The following TSPOAP1 variants were observed in gnomAD, a reference collection of about 807,000 sequenced individuals.
TSPOAP1 encodes TSPO associated protein 1.
Under a neutral mutation model 197.0 loss-of-function variants are expected in TSPOAP1, and 87 were observed. That is an observed-to-expected ratio of 0.44 (90% CI 0.37 to 0.53). The LOEUF (loss-of-function observed/expected upper bound fraction) is 0.53. TSPOAP1 is among the 20% of genes least tolerant of loss of function. The pLI is 0.00. For missense variants in TSPOAP1, 2,174 were observed against 2,411.3 expected (o/e 0.90, Z 2.06); for synonymous variants, 913 against 998.9 (o/e 0.91, Z 1.62).
At chr17:58,306,720 A>C (rs1598056632) in intron 25 of TSPOAP1, 80 bp downstream of exon 25, 1 of 1,522,740 alleles carries the variant, frequency 6.6e-7, no homozygotes, top group Non-Finnish European at 8.9e-7. Flanking sequence ...GGAGCACCCC[A>C]GACACAACAA....
At position 58,320,561 on chromosome 17, in the gene TSPOAP1, C is replaced by T; in HGVS notation, c.1443G>A (p.Arg481=). ...GCAGCTGCACGGCTCCTTCATGTTC[C>T]CTCTGGGCTTCAGCCTGGGCCTACA... ...RLQQAQAEAQ[R]EHEGAVQLLE... is the part of the protein sequence containing the mutation. Residue 481 remains arginine (R), a synonymous_variant, in exon 11 of 32, where the codon AGG becomes AGA. Transcript: ENST00000343736. 6.8e-7 allele frequency: 1 copy of T among 1,474,192 alleles called. No individual in the cohort carries two copies. The highest frequency in any genetic ancestry group is 9.0e-7 in the Non-Finnish European group (1 of 1,112,050). The allele number at this position is 1,474,192 out of a possible 1,614,324, so 91.3% of individuals were successfully genotyped here.
Position 58,312,554 on chromosome 17 carries a change from C to A in TSPOAP1, c.2267G>T (p.Gly756Val). The change falls in exon 17 of 32, where the codon GGC becomes GTC. Residue 756 changes from glycine to valine, a missense_variant. Gly to Val is a moderately radical substitution (Grantham distance 109). Around this residue, in one of 5 missense-constraint regions of TSPOAP1, gnomAD observed 1,933 missense variants for 2,139.0 expected, o/e 0.90. Coordinates refer to ENST00000343736, the MANE Select transcript of TSPOAP1 (RefSeq NM_004758.4). ...SVGGGGSSSG[G>V]QSSVGRSQPR... is the part of the protein sequence containing the mutation. Reference sequence around the variant, plus strand: ...CTGGCTCCTTCCCACACTGCTTTGGCCCCCGCTACTGCTGCCACCCCCACC... The same window carrying A: ...CTGGCTCCTTCCCACACTGCTTTGGACCCCGCTACTGCTGCCACCCCCACC... 3 of 1,607,908 alleles carry A rather than the reference C, an allele frequency of 1.9e-6. No homozygotes were observed. The highest frequency in any genetic ancestry group is 2.5e-6 in the Non-Finnish European group (3 of 1,177,140).
At position 58,316,003 on chromosome 17, in the gene TSPOAP1, AC is replaced by A. The variant is rs772216489; in HGVS notation, c.2098+19del. The A allele has an allele frequency of 4.5e-6, 7 of 1,570,338 alleles. No individual in the cohort carries two copies. Among genetic ancestry groups the A allele is most frequent in the Non-Finnish European group, 5.3e-6 (6 of 1,141,012 alleles). ...CAAAGGCAGGGGAATGGACAGAATG[AC>A]CCCCCACTACATTCCTACCTTCAAA... On this transcript the variant is annotated intron_variant, in intron 16 of 31. Transcript: ENST00000343736.
Position 58,319,182 on chromosome 17 carries a change from G to T in TSPOAP1, c.1607C>A (p.Thr536Lys), listed in dbSNP as rs763307972. The change falls in exon 13 of 32, where the codon ACA becomes AAA. Residue 536 changes from threonine (T) to lysine (K), a missense_variant. Coordinates refer to ENST00000343736, the MANE Select transcript of TSPOAP1 (RefSeq NM_004758.4). ...RLHPGPLDLL[T>K]SALDCGSLGD... ...AAGGCTCCCACAGTCCAGGGCAGAT[G>T]TGAGCAGATCCAAGGGGCCCGGGTG... The T allele has an allele frequency of 4.7e-5, 74 of 1,576,538 alleles. No individual in the cohort carries two copies. In the Admixed American group the frequency reaches 1.3e-3, roughly 28 times the overall value.
rs1009427861 is a variant in TSPOAP1 at position 58,301,282 on chromosome 17, C to A, written c.*1198G>T. ...TAAAATGTCTTTTTAAACAAATTCCCCCACCATTCCACACCCCTGGAGACC... is the reference window on the plus strand; with the variant it reads ...TAAAATGTCTTTTTAAACAAATTCCACCACCATTCCACACCCCTGGAGACC... On this transcript the variant is annotated 3_prime_UTR_variant, in exon 32 of 32. Transcript: ENST00000343736. The A allele has an allele frequency of 6.6e-6, 1 of 152,546 alleles. No individual in the cohort carries two copies. Among genetic ancestry groups the A allele is most frequent in the African/African-American group, 2.4e-5 (1 of 41,420 alleles). The allele number at this position is 152,546 out of a possible 1,614,324, so 9.4% of individuals were successfully genotyped here. A position where few individuals can be genotyped will look rare whatever the true frequency, so the allele number is the denominator to read the frequency against.
In TSPOAP1 at chr17:58,326,151, T is replaced by C; in HGVS notation, c.570+142A>G. On this transcript the variant is annotated intron_variant, in intron 3 of 31. Coordinates refer to ENST00000343736, the MANE Select transcript of TSPOAP1 (RefSeq NM_004758.4). This position sits in a 1 kb window ranked among gnomAD's most constrained non-coding sequence, Gnocchi z 4.7. Reference sequence around the variant, plus strand: ...TTGCCTGGCCAGCCTCTGCCCTTCCTGCACCTTAGCCCCTAGATTCTTGCT... The same window carrying C: ...TTGCCTGGCCAGCCTCTGCCCTTCCCGCACCTTAGCCCCTAGATTCTTGCT... 1 of 1,376,312 alleles carries C rather than the reference T, an allele frequency of 7.3e-7. No individual in the cohort carries two copies. Among genetic ancestry groups the C allele is most frequent in the Non-Finnish European group, 9.7e-7 (1 of 1,026,564 alleles). 85.3% of individuals were successfully genotyped at this position (1,376,312 alleles called of 1,614,324 possible).
intron 16 of TSPOAP1, among the ~76,000 whole-genome samples, chr17:58,312,949 A>G (rs1483088388): frequency 3.9e-5 from 6 of 152,220 alleles, no homozygotes; most frequent in African/African-American, 1.4e-4. Flanking sequence ...TGCTTCTTCA[A>G]TTTTAACTTG....
At chr17:58,316,756 G>A (rs1188487627) in intron 14 of TSPOAP1, among the ~76,000 whole-genome samples, 1 of 152,252 alleles carries the variant, frequency 6.6e-6, no homozygotes, top group Non-Finnish European at 1.5e-5. Flanking sequence ...CTGGGCAGGG[G>A]CAGTGGGGAT....
Position 58,322,807 on chromosome 17 carries a change from T to C in TSPOAP1, c.1195-31A>G, listed in dbSNP as rs776046514. ...GAGGGGGCAGTGACAGGGAGTTGGGTGGGTGAGCCTTGACCCACCAGCACC... is the reference window on the plus strand; with the variant it reads ...GAGGGGGCAGTGACAGGGAGTTGGGCGGGTGAGCCTTGACCCACCAGCACC... On this transcript the variant is annotated intron_variant, in intron 8 of 31. Coordinates refer to ENST00000343736, the MANE Select transcript of TSPOAP1 (RefSeq NM_004758.4). The surrounding 1 kb of genome is among the most constrained non-coding windows in gnomAD (Gnocchi z 5.0). 2 of 1,611,002 alleles carry C rather than the reference T, an allele frequency of 1.2e-6. No homozygotes were observed. The highest frequency in any genetic ancestry group is 1.1e-5 in the South Asian group (1 of 90,996).
chr17:58,316,295 G>A, intron 15 of TSPOAP1, 130 bp downstream of exon 15: 1 of 1,088,476 alleles, frequency 9.2e-7, no homozygotes, highest in East Asian at 2.4e-5. Flanking sequence ...GCCCAACTAG[G>A]TTATTAGAAT....
chr17:58,319,331 A>G, intron 12 of TSPOAP1, 37 bp from the exon 13 acceptor site: 2 of 1,539,072 alleles, frequency 1.3e-6, no homozygotes, highest in East Asian at 4.9e-5. Flanking sequence ...CAGGCCCCTC[A>G]AAGCTACCCA....
In TSPOAP1 at chr17:58,309,376, T is replaced by C; in HGVS notation, c.3896A>G (p.Gln1299Arg). The C allele has an allele frequency of 6.2e-7, 1 of 1,606,380 alleles. No homozygotes were observed. The highest frequency in any genetic ancestry group is 1.1e-5 in the South Asian group (1 of 90,768). Residue 1299 changes from glutamine to arginine, a missense_variant, in exon 22 of 32, where the codon CAG (glutamine) becomes CGG (arginine). Gln to Arg is a conservative substitution (Grantham distance 43). This residue lies in a region of TSPOAP1 where 1,933 missense variants were observed against 2,139.0 expected (regional missense o/e 0.90). Transcript: ENST00000343736. This position sits in a 1 kb window ranked among gnomAD's most constrained non-coding sequence, Gnocchi z 5.0. ...NSIRENGAKSQPDPFCETDSD... is the reference protein window; with the variant it reads ...NSIRENGAKSRPDPFCETDSD... ...GTCAGTCTCACAAAAGGGGTCGGGC[T>C]GGGACTGGTGGAGGTGGGGAGGTGG...
At chr17:58,318,209 G>A in intron 14 of TSPOAP1, 71 bp downstream of exon 14, 1 of 1,559,934 alleles carries the variant, frequency 6.4e-7, no homozygotes, top group Non-Finnish European at 8.7e-7. Context: ...CCCCAGAAGA[G>A]GTCAGGGCCA....
rs906015814 is a variant in TSPOAP1 at position 58,323,079 on chromosome 17, C to T, written c.1105-40G>A. ...GAGCTCTCAGGAGGGAGCCCAGCACCCACATTCCCCCTCTCCCCACACAGA... is the reference window on the plus strand; with the variant it reads ...GAGCTCTCAGGAGGGAGCCCAGCACTCACATTCCCCCTCTCCCCACACAGA... On this transcript the variant is annotated intron_variant, in intron 7 of 31. Coordinates refer to ENST00000343736, the MANE Select transcript of TSPOAP1 (RefSeq NM_004758.4). 8 of 1,575,714 alleles carry T rather than the reference C, an allele frequency of 5.1e-6. No individual in the cohort carries two copies. The African/African-American group carries it at 6.7e-5, about 13-fold the overall frequency.
intron 14 of TSPOAP1, among the ~76,000 whole-genome samples, chr17:58,316,933 G>A (rs938425693): frequency 1.1e-3 from 167 of 152,298 alleles, no homozygotes; most frequent in African/African-American, 3.8e-3. Context: ...GCAGTGGCTC[G>A]CGCCTATAAT....
In TSPOAP1 at chr17:58,308,746, G is replaced by C; in HGVS notation, c.4526C>G (p.Ala1509Gly). The C allele has an allele frequency of 1.9e-6, 3 of 1,612,990 alleles. No individual in the cohort carries two copies. The highest frequency in any genetic ancestry group is 2.5e-6 in the Non-Finnish European group (3 of 1,179,980). The stretch of plus-strand genomic sequence containing the variant: ...GGTGATGCTGATGCCCCCGCTGCCC[G>C]CCTCCTGCTCATCCTCCGAATCATA... The part of the protein sequence containing the change: ...IEYDSEDEQE[A>G]GSGGISITSS... The change falls in exon 22 of 32, where the codon GCG becomes GGG. Residue 1509 changes from alanine to glycine, a missense_variant. By Grantham distance (60) the Ala-to-Gly change is moderately conservative (BLOSUM62 0). Around this residue, in one of 5 missense-constraint regions of TSPOAP1, gnomAD observed 1,933 missense variants for 2,139.0 expected, o/e 0.90. Coordinates refer to ENST00000343736, the MANE Select transcript of TSPOAP1 (RefSeq NM_004758.4).
intron 1 of TSPOAP1, 27 bp downstream of exon 1, chr17:58,327,561 G>C: frequency 6.3e-7 from 1 of 1,591,738 alleles, no homozygotes; most frequent in Non-Finnish European, 8.6e-7. Context: ...CCACCTTGCA[G>C]ACCCCAGCCC....
In TSPOAP1 at chr17:58,322,526, A is replaced by G; in HGVS notation, c.1318-114T>C. The G allele has an allele frequency of 6.5e-7, 1 of 1,546,506 alleles. No homozygotes were observed. Among genetic ancestry groups the G allele is most frequent in the Middle Eastern group, 1.7e-4 (1 of 5,820 alleles). Reference sequence around the variant, plus strand: ...GCTCCAGATTCCTCTATTACAAAGGAAACTGAGCCTGGAGCAGCTCCAGGC... The same window carrying G: ...GCTCCAGATTCCTCTATTACAAAGGGAACTGAGCCTGGAGCAGCTCCAGGC... On this transcript the variant is annotated intron_variant, in intron 9 of 31. Coordinates refer to ENST00000343736, the MANE Select transcript of TSPOAP1 (RefSeq NM_004758.4). The surrounding 1 kb of genome is among the most constrained non-coding windows in gnomAD (Gnocchi z 5.0).
In TSPOAP1 at chr17:58,326,311, C is replaced by G. The variant is rs1232937376; in HGVS notation, c.552G>C (p.Gln184His). 6.2e-7 allele frequency: 1 copy of G among 1,614,002 alleles called. No individual in the cohort carries two copies. The highest frequency in any genetic ancestry group is 8.5e-7 in the Non-Finnish European group (1 of 1,180,020). ...KRLEERARKL[Q>H]ETNLRVVSAP... is the part of the protein sequence containing the mutation. ...TCCTCACCACCCTCAGGTTCGTTTC[C>G]TGCAGCTTTCGGGCCCTCTCCTCCA... The change falls in exon 3 of 32, where the codon CAG (glutamine) becomes CAC (histidine). Residue 184 changes from glutamine to histidine, a missense_variant. Gln to His is a conservative substitution (Grantham distance 24, BLOSUM62 0). Around this residue, in one of 5 missense-constraint regions of TSPOAP1, gnomAD observed 1,933 missense variants for 2,139.0 expected, o/e 0.90. Transcript: ENST00000343736. The surrounding 1 kb of genome is among the most constrained non-coding windows in gnomAD (Gnocchi z 4.7).
Sources: allele counts gnomAD v4.1 joint callset (sites outside exome capture counted in the v4.1 genomes callset), GRCh38; gene constraint gnomAD v4.1.1; regional missense constraint gnomAD v4.1.1; non-coding constraint Gnocchi (gnomAD v3.1); transcripts MANE v1.5; gene names NCBI Gene and HGNC (gene_info 2026-07-23, HGNC 2026-07-21).